TNFSF12: variants seen among roughly 807,000 people sequenced by gnomAD.
TNFSF12 encodes tumor necrosis factor ligand superfamily member 12.
In TNFSF12, 16 loss-of-function variants were observed where a neutral mutation model predicts 31.2. The observed-to-expected ratio is 0.51, with a 90% confidence interval of 0.35 to 0.78. The LOEUF is 0.78. Among genes scored for constraint, TNFSF12 ranks in the 30% least tolerant of loss-of-function variants. The probability of loss-of-function intolerance (pLI) is 0.01; values close to 1 mark genes in which losing one functional copy is unlikely to be tolerated. For missense variants in TNFSF12, 324 were observed against 338.8 expected (o/e 0.96, Z 0.34); for synonymous variants, 150 against 151.4 (o/e 0.99, Z 0.07).
In TNFSF12 at chr17:7,549,201, G is replaced by A. The variant is rs1425880275; in HGVS notation, c.48G>A (p.Pro16=). The A allele has an allele frequency of 1.5e-6, 2 of 1,317,736 alleles. No individual in the cohort carries two copies. The highest frequency in any genetic ancestry group is 3.1e-5 in the East Asian group (1 of 32,176). 81.6% of individuals were successfully genotyped at this position (1,317,736 alleles called of 1,614,324 possible). The change falls in exon 1 of 7, where the codon CCG becomes CCA. Residue 16 remains proline, a synonymous_variant. Transcript: ENST00000293825. This position sits in a 1 kb window ranked among gnomAD's most constrained non-coding sequence, Gnocchi z 4.1. ...GGCGGAGGGGGCGCCGGGGGGAGCC[G>A]GGCACCGCCCTGCTGGTCCCGCTCG... The part of the protein sequence containing the change: ...SQRRRGRRGE[P]GTALLVPLAL...
In TNFSF12 at chr17:7,549,900, G is replaced by C. The variant is rs1475521180; in HGVS notation, c.208-220G>C. 2.8e-5 allele frequency: 18 copies of C among 652,664 alleles called. No individual in the cohort carries two copies. In the East Asian group the frequency reaches 4.4e-4, roughly 16 times the overall value. 40.4% of individuals were successfully genotyped at this position (652,664 alleles called of 1,614,324 possible). A position where few individuals can be genotyped will look rare whatever the true frequency, so the allele number is the denominator to read the frequency against. On this transcript the variant is annotated intron_variant, in intron 2 of 6. Coordinates refer to ENST00000293825, the MANE Select transcript of TNFSF12 (RefSeq NM_003809.3). The surrounding 1 kb of genome is among the most constrained non-coding windows in gnomAD (Gnocchi z 4.1). ...TGCAGGGTCTGCGTTGGTTGTGTGT[G>C]TGGGTGGGAAAGTGTAGCTGGTCTA... is the stretch of plus-strand genomic sequence containing the variant.
chr17:7,554,178 C>T (rs2071031804), intron 5 of TNFSF12, among the ~76,000 whole-genome samples: 1 of 152,178 alleles, frequency 6.6e-6, no homozygotes. Flanking sequence ...CAGCCTTCCT[C>T]CCCTCTGTAT....
Position 7,549,413 on chromosome 17 carries a change from T to C in TNFSF12, c.160-61T>C. 7.0e-7 allele frequency: 1 copy of C among 1,427,672 alleles called. No individual in the cohort carries two copies. The highest frequency in any genetic ancestry group is 1.5e-5 in the South Asian group (1 of 68,070). The allele number at this position is 1,427,672 out of a possible 1,614,324, so 88.4% of individuals were successfully genotyped here. A position where few individuals can be genotyped will look rare whatever the true frequency, so the allele number is the denominator to read the frequency against. ...GGCTGAAGGCAAGGGGAAGGGAGGA[T>C]GGGTGGAGGGTGAGATGTCAGGTGG... On this transcript the variant is annotated intron_variant, in intron 1 of 6. Transcript: ENST00000293825. This position sits in a 1 kb window ranked among gnomAD's most constrained non-coding sequence, Gnocchi z 4.1.
rs376426710 is a variant in TNFSF12 at position 7,557,078 on chromosome 17, G to C, written c.499-21G>C. On this transcript the variant is annotated intron_variant, in intron 6 of 6. Transcript: ENST00000293825. This position sits in a 1 kb window ranked among gnomAD's most constrained non-coding sequence, Gnocchi z 5.2. ...CGAGGGCAGGCAGAGGCCTGGACTC[G>C]GCCTGTTGTCCCCACCCCAGGTGCA... The C allele has an allele frequency of 2.5e-6, 4 of 1,599,850 alleles. No individual in the cohort carries two copies. The highest frequency in any genetic ancestry group is 1.7e-5 in the Admixed American group (1 of 59,394).
Position 7,549,246 on chromosome 17 carries a change from G to A in TNFSF12, c.93G>A (p.Ala31=), listed in dbSNP as rs1484448349. The A allele has an allele frequency of 9.3e-6, 13 of 1,392,894 alleles. No homozygotes were observed. Among genetic ancestry groups the A allele is most frequent in the Non-Finnish European group, 1.1e-5 (12 of 1,077,626 alleles). The allele number at this position is 1,392,894 out of a possible 1,614,324, so 86.3% of individuals were successfully genotyped here. A position where few individuals can be genotyped will look rare whatever the true frequency, so the allele number is the denominator to read the frequency against. ...LVPLALGLGL[A]LACLGLLLAV... is the part of the protein sequence containing the mutation. ...CGCTCGCGCTGGGCCTGGGCCTGGCGCTGGCCTGCCTCGGCCTCCTGCTGG... is the reference window on the plus strand; with the variant it reads ...CGCTCGCGCTGGGCCTGGGCCTGGCACTGGCCTGCCTCGGCCTCCTGCTGG... Residue 31 remains alanine (A), a synonymous_variant, in exon 1 of 7, where the codon GCG becomes GCA. Transcript: ENST00000293825. The surrounding 1 kb of genome is among the most constrained non-coding windows in gnomAD (Gnocchi z 4.1).
chr17:7,549,141 G>GC lies in TNFSF12; in HGVS notation c.-7dup. The stretch of plus-strand genomic sequence containing the variant: ...ATGGGGGGGCGGTGAGGCAGGCACA[G>GC]CCCCCCGCCCCCATGGCCGCCCGTC... On this transcript the variant is annotated 5_prime_UTR_variant, in exon 1 of 7. Transcript: ENST00000293825. The surrounding 1 kb of genome is among the most constrained non-coding windows in gnomAD (Gnocchi z 4.1). 2 of 1,266,928 alleles carry GC rather than the reference G, an allele frequency of 1.6e-6. No homozygotes were observed. Among genetic ancestry groups the GC allele is most frequent in the Non-Finnish European group, 2.0e-6 (2 of 1,008,234 alleles). The allele number at this position is 1,266,928 out of a possible 1,614,324, so 78.5% of individuals were successfully genotyped here.
Position 7,557,311 on chromosome 17 carries a change from C to T in TNFSF12, c.711C>T (p.Ala237=). ...RTLPWAHLKA[A]PFLTYFGLFQ... is the part of the protein sequence containing the mutation. ...TCCCCTGGGCCCATCTCAAGGCTGC[C>T]CCCTTCCTCACCTACTTCGGACTCT... The change falls in exon 7 of 7, where the codon GCC becomes GCT. Residue 237 remains alanine (A), a synonymous_variant. Transcript: ENST00000293825. This position sits in a 1 kb window ranked among gnomAD's most constrained non-coding sequence, Gnocchi z 5.2. 3 of 1,611,768 alleles carry T rather than the reference C, an allele frequency of 1.9e-6. No homozygotes were observed. Among genetic ancestry groups the T allele is most frequent in the East Asian group, 4.5e-5 (2 of 44,828 alleles).
intron 5 of TNFSF12, among the ~76,000 whole-genome samples, chr17:7,556,335 CTT>C (rs958513290): frequency 6.6e-6 from 1 of 152,138 alleles, no homozygotes; most frequent in African/African-American, 2.4e-5. Context: ...GTACTTCACT[CTT>C]TTTATGGCCA....
At position 7,556,946 on chromosome 17, in the gene TNFSF12, C is replaced by T. The variant is rs773246894; in HGVS notation, c.498+44C>T. 28 of 1,520,440 alleles carry T rather than the reference C, an allele frequency of 1.8e-5. 1 individual carries two copies. The highest frequency in any genetic ancestry group is 1.5e-4 in the South Asian group (12 of 77,968). The allele number at this position is 1,520,440 out of a possible 1,614,324, so 94.2% of individuals were successfully genotyped here. A position where few individuals can be genotyped will look rare whatever the true frequency, so the allele number is the denominator to read the frequency against. ...CATGGGTAACGCAGTAAGAGAGTGG[C>T]GAAGGGTTTGCCAGGAGAGTGGGGG... On this transcript the variant is annotated intron_variant, in intron 6 of 6. Transcript: ENST00000293825.
rs1415625184 is a variant in TNFSF12 at position 7,555,979 on chromosome 17, TTTG to T, written c.374-796_374-794del. The stretch of plus-strand genomic sequence containing the variant: ...ATAAAAATGCCCAGTGAGCGTTTTT[TTTG>T]TTTTTTTTTTTTTTTGGAGACAGAG... On this transcript the variant is annotated intron_variant, in intron 5 of 6. Coordinates refer to ENST00000293825, the MANE Select transcript of TNFSF12 (RefSeq NM_003809.3). 1.6e-3 allele frequency among the ~76,000 whole-genome samples: 160 copies of T among 97,080 alleles called. 8 individuals are homozygous for T. Among genetic ancestry groups the T allele is most frequent in the Middle Eastern group, 4.3e-3 (1 of 230 alleles). The allele number at this position is 97,080 out of a possible 152,430, so 63.7% of individuals were successfully genotyped here.
chr17:7,557,427 C>T lies in TNFSF12; in HGVS notation c.*77C>T, dbSNP rs1426704376. The stretch of plus-strand genomic sequence containing the variant: ...CTCTCTGGGCACCCGGTCCCCTCTG[C>T]CCCACCCTCAGCCGCTCTTTGCTCC... On this transcript the variant is annotated 3_prime_UTR_variant, in exon 7 of 7. Transcript: ENST00000293825. This position sits in a 1 kb window ranked among gnomAD's most constrained non-coding sequence, Gnocchi z 5.2. The T allele has an allele frequency of 3.3e-6, 5 of 1,504,830 alleles. No individual in the cohort carries two copies. The highest frequency in any genetic ancestry group is 1.4e-5 in the African/African-American group (1 of 71,898). 93.2% of individuals were successfully genotyped at this position (1,504,830 alleles called of 1,614,324 possible). A position where few individuals can be genotyped will look rare whatever the true frequency, so the allele number is the denominator to read the frequency against.
In TNFSF12 at chr17:7,557,350, AG is replaced by A. The variant is rs1297073735; in HGVS notation, c.*4del. ...ACTTCGGACTCTTCCAGGTTCACTG[AG>A]GGGCCCTGGTCTCCCCGCAGTCGTC... On this transcript the variant is annotated 3_prime_UTR_variant, in exon 7 of 7. Coordinates refer to ENST00000293825, the MANE Select transcript of TNFSF12 (RefSeq NM_003809.3). The surrounding 1 kb of genome is among the most constrained non-coding windows in gnomAD (Gnocchi z 5.2). 6.9e-6 allele frequency: 11 copies of A among 1,590,186 alleles called. No individual in the cohort carries two copies. Among genetic ancestry groups the A allele is most frequent in the Non-Finnish European group, 8.6e-6 (10 of 1,164,846 alleles).
chr17:7,551,602 C>G (rs1250542510), intron 5 of TNFSF12, among the ~76,000 whole-genome samples: 4 of 152,154 alleles, frequency 2.6e-5, no homozygotes, highest in Non-Finnish European at 5.9e-5. Flanking sequence ...GGACTTTGCA[C>G]ATACCATCCC....
intron 5 of TNFSF12, among the ~76,000 whole-genome samples, chr17:7,553,062 T>TTTTTTTGA: frequency 1.2e-5 from 1 of 80,298 alleles, no homozygotes; most frequent in Non-Finnish European, 2.6e-5. Context: ...TTTTTTTTTT[T>TTTTTTTGA]GTGACAGAGT....
chr17:7,553,921 G>A (rs1648174610), intron 5 of TNFSF12: 2 of 1,007,200 alleles, frequency 2.0e-6, no homozygotes, highest in Middle Eastern at 4.9e-4. Flanking sequence ...CAGGAGATTT[G>A]AGGAGAAATG....
chr17:7,552,427 A>AAGC (rs1217297725), intron 5 of TNFSF12, among the ~76,000 whole-genome samples: 3 of 150,072 alleles, frequency 2.0e-5, no homozygotes, highest in African/African-American at 7.4e-5. Context: ...TCCTGGGTCC[A>AAGC]AGCGATTCTC....
At position 7,556,854 on chromosome 17, in the gene TNFSF12, C is replaced by A. The variant is rs147597489; in HGVS notation, c.450C>A (p.Ile150=). 1.3e-6 allele frequency: 2 copies of A among 1,556,964 alleles called. No homozygotes were observed. Among genetic ancestry groups the A allele is most frequent in the Non-Finnish European group, 8.7e-7 (1 of 1,149,186 alleles). Residue 150 remains isoleucine (I), a synonymous_variant, in exon 6 of 7, where the codon ATC becomes ATA. Transcript: ENST00000293825. The part of the protein sequence containing the change: ...SSSPLRYNRQ[I]GEFIVTRAGL... ...GCCCTCTGCGCTACAACCGCCAGAT[C>A]GGGGAGTTTATAGTCACCCGGGCTG...
At position 7,549,373 on chromosome 17, in the gene TNFSF12, G is replaced by T; in HGVS notation, c.159+61G>T. On this transcript the variant is annotated intron_variant, in intron 1 of 6. Coordinates refer to ENST00000293825, the MANE Select transcript of TNFSF12 (RefSeq NM_003809.3). This position sits in a 1 kb window ranked among gnomAD's most constrained non-coding sequence, Gnocchi z 4.1. ...CAGGAGCTGAGACTGCAGAGGGGCC[G>T]CTGGGGGCCGCGTGGGCTGAAGGCA... is the stretch of plus-strand genomic sequence containing the variant. 3 of 1,410,366 alleles carry T rather than the reference G, an allele frequency of 2.1e-6. No homozygotes were observed. Among genetic ancestry groups the T allele is most frequent in the African/African-American group, 1.4e-5 (1 of 69,020 alleles). The allele number at this position is 1,410,366 out of a possible 1,614,324, so 87.4% of individuals were successfully genotyped here.
intron 5 of TNFSF12, among the ~76,000 whole-genome samples, chr17:7,552,458 G>A (rs2071011222): frequency 4.0e-5 from 6 of 151,810 alleles, no homozygotes; most frequent in Admixed American, 3.3e-4. Context: ...CTCCCAAGTA[G>A]CTGAGATTAT....
Sources: gnomAD v4.1 joint callset for allele counts (sites outside exome capture counted in the v4.1 genomes callset) on GRCh38, gnomAD v4.1.1 for gene constraint, Gnocchi (gnomAD v3.1) non-coding constraint, MANE v1.5 for transcripts, NCBI Gene and HGNC (gene_info 2026-07-23, HGNC 2026-07-21) for gene names.